The following AARS1 variants were observed in gnomAD, a reference collection of about 807,000 sequenced individuals.
The protein encoded by AARS1 is alanine--tRNA ligase, cytoplasmic.
In AARS1, 72 loss-of-function variants were observed where a neutral mutation model predicts 108.9. The ratio of observed to expected loss-of-function variants is 0.66; its 90% confidence interval spans 0.55 to 0.80. AARS1 has a LOEUF of 0.80. Among genes scored for constraint, AARS1 ranks in the 30% least tolerant of loss-of-function variants. The pLI is 0.00. For synonymous variants in AARS1, 489 were observed against 465.7 expected (o/e 1.05, Z -0.64); for missense variants, 1,193 against 1,233.2 (o/e 0.97, Z 0.49).
intron 1 of AARS1, among the ~76,000 whole-genome samples, chr16:70,287,781 G>T (rs558384874): frequency 1.3e-5 from 2 of 151,644 alleles, no homozygotes; most frequent in South Asian, 4.2e-4. Context: ...TCTTTTTTTT[G>T]AGACGGTGTT....
chr16:70,280,567 G>A (rs1192123903), intron 2 of AARS1, among the ~76,000 whole-genome samples: 1 of 152,128 alleles, frequency 6.6e-6, no homozygotes, highest in Non-Finnish European at 1.5e-5. Flanking sequence ...AAAAGAAAAT[G>A]TCAACTCATC....
At chr16:70,276,821 G>C (rs975902457) in intron 3 of AARS1, 145 bp downstream of exon 3, 10 of 1,160,258 alleles carry the variant, frequency 8.6e-6, no homozygotes, top group Non-Finnish European at 8.7e-6. Flanking sequence ...CTTCCAGGAA[G>C]TCTTAGAATT....
chr16:70,288,098 CTTTTT>C (rs34369477), intron 1 of AARS1, among the ~76,000 whole-genome samples: 68 of 83,912 alleles, frequency 8.1e-4, no homozygotes, highest in Non-Finnish European at 8.0e-4. Context: ...TCCCCTTCTT[CTTTTT>C]TTTTTTTTTT....
Position 70,277,041 on chromosome 16 carries a change from G to C in AARS1, c.258C>G (p.Asp86Glu). ...GATGATAGACATCCTTGCCCACATC[G>C]TCCAGGTCATTATGTTTGCCCCCAG... Reference protein sequence around the residue: ...IRAGGKHNDLDDVGKDVYHHT... With the variant: ...IRAGGKHNDLEDVGKDVYHHT... The change falls in exon 3 of 21, where the codon GAC becomes GAG. Residue 86 changes from aspartate to glutamate, a missense_variant. By Grantham distance (45) the Asp-to-Glu change is conservative. Coordinates refer to ENST00000261772, the MANE Select transcript of AARS1 (RefSeq NM_001605.3). 6.2e-7 allele frequency: 1 copy of C among 1,614,124 alleles called. No individual in the cohort carries two copies. Among genetic ancestry groups the C allele is most frequent in the Non-Finnish European group, 8.5e-7 (1 of 1,180,028 alleles).
Position 70,252,720 on chromosome 16 carries a change from C to T in AARS1, c.*1G>A, listed in dbSNP as rs577979624. On this transcript the variant is annotated 3_prime_UTR_variant, in exon 21 of 21. Coordinates refer to ENST00000261772, the MANE Select transcript of AARS1 (RefSeq NM_001605.3). ...CCAGTGGGAGCCTCCTCCTTCCCCA[C>T]TCAGTTCTTTACATCCCCGAGGCGC... 6 of 1,614,064 alleles carry T rather than the reference C, an allele frequency of 3.7e-6. No individual in the cohort carries two copies. The South Asian group carries it at 5.5e-5, about 15-fold the overall frequency.
chr16:70,286,411 C>T (rs1175373502), intron 1 of AARS1, among the ~76,000 whole-genome samples: 7 of 148,466 alleles, frequency 4.7e-5, no homozygotes, highest in Admixed American at 2.0e-4. Context: ...CTCTCTGTCA[C>T]CCAGGCTGGA....
intron 2 of AARS1, 110 bp from the exon 3 acceptor site, chr16:70,277,264 C>A (rs1464374343): frequency 8.6e-7 from 1 of 1,165,490 alleles, no homozygotes; most frequent in Non-Finnish European, 1.3e-6. Context: ...TCATGATTAA[C>A]ATGCCTGGAA....
chr16:70,268,504 G>T, intron 7 of AARS1, 125 bp from the exon 8 acceptor site: 1 of 736,812 alleles, frequency 1.4e-6, no homozygotes, highest in Non-Finnish European at 2.3e-6. Flanking sequence ...TGCTTCTTTC[G>T]CATTCCCCAA....
intron 9 of AARS1, among the ~76,000 whole-genome samples, chr16:70,266,301 A>T (rs948635318): frequency 1.3e-5 from 2 of 148,982 alleles, no homozygotes; most frequent in South Asian, 4.2e-4. Context: ...GCGACAGAGC[A>T]AGACTCTGTC....
chr16:70,253,048 G>T (rs1959881091), intron 20 of AARS1, 142 bp from the exon 21 acceptor site: 5 of 1,063,830 alleles, frequency 4.7e-6, no homozygotes, highest in Admixed American at 2.0e-5. Context: ...TTTACGGCTG[G>T]TACAGGGGGC....
chr16:70,263,676 C>G (rs1960198793), intron 11 of AARS1, among the ~76,000 whole-genome samples: 1 of 152,002 alleles, frequency 6.6e-6, no homozygotes, highest in Non-Finnish European at 1.5e-5. Flanking sequence ...ACTCTGTAGC[C>G]CAGGCTGGAG....
At chr16:70,278,049 G>A (rs1305988597) in intron 2 of AARS1, among the ~76,000 whole-genome samples, 1 of 151,688 alleles carries the variant, frequency 6.6e-6, no homozygotes, top group Non-Finnish European at 1.5e-5. Context: ...GACTGCGCCA[G>A]GTCTTACCAT....
chr16:70,253,199 G>T, intron 20 of AARS1, 69 bp downstream of exon 20: 3 of 1,314,738 alleles, frequency 2.3e-6, no homozygotes, highest in Middle Eastern at 1.8e-4. Flanking sequence ...AATGCAGGCT[G>T]TACACACACA....
Position 70,283,375 on chromosome 16 carries a change from G to A in AARS1, c.-21-591C>T, listed in dbSNP as rs183210327. On this transcript the variant is annotated intron_variant, in intron 1 of 20. Transcript: ENST00000261772. ...CCACACCACTGCACTCCAGCCTGGC[G>A]ACAGAGAGAGACTCCGTCTCAAAAA... Among the ~76,000 whole-genome samples, 498 of 150,288 alleles carry A rather than the reference G, an allele frequency of 3.3e-3. 2 individuals carry two copies. The highest frequency in any genetic ancestry group is 0.011 in the African/African-American group (443 of 40,840).
chr16:70,255,253 G>A (rs1246082032), intron 16 of AARS1, among the ~76,000 whole-genome samples: 2 of 136,324 alleles, frequency 1.5e-5, no homozygotes, highest in Non-Finnish European at 3.0e-5. Flanking sequence ...AAGCTGGAAC[G>A]CAGTGGTGCG....
rs1375611364 is a variant in AARS1 at position 70,269,693 on chromosome 16, C to T, written c.887G>A (p.Arg296Gln). The T allele has an allele frequency of 2.5e-6, 4 of 1,614,032 alleles. No homozygotes were observed. Among genetic ancestry groups the T allele is most frequent in the African/African-American group, 2.7e-5 (2 of 74,928 alleles). The change falls in exon 7 of 21, where the codon CGG becomes CAG. Residue 296 changes from arginine to glutamine, a missense_variant. Transcript: ENST00000261772. Reference protein sequence around the residue: ...EDADGIDMAYRVLADHARTIT... With the variant: ...EDADGIDMAYQVLADHARTIT... ...GGTCCGAGCGTGGTCAGCCAGCACC[C>T]GGTAGGCCATGTCAATCCCATCGGC...
At chr16:70,260,433 C>A (rs1960105054) in intron 13 of AARS1, among the ~76,000 whole-genome samples, 1 of 152,196 alleles carries the variant, frequency 6.6e-6, no homozygotes, top group Non-Finnish European at 1.5e-5. Context: ...AGCTCTGTCA[C>A]ATGCCAGAGC....
intron 1 of AARS1, among the ~76,000 whole-genome samples, chr16:70,287,107 C>T (rs1216713466): frequency 6.6e-6 from 1 of 151,172 alleles, no homozygotes; most frequent in South Asian, 2.1e-4. Context: ...AAAAATTAGC[C>T]GGGCGTGGTA....
intron 14 of AARS1, 30 bp downstream of exon 14, chr16:70,258,950 G>C (rs747114635): frequency 3.8e-6 from 6 of 1,596,208 alleles, no homozygotes; most frequent in African/African-American, 1.3e-5. Flanking sequence ...GGTGTGGGGA[G>C]GGGGGGCATT....
Sources: allele counts gnomAD v4.1 joint callset (sites outside exome capture counted in the v4.1 genomes callset), GRCh38; gene constraint gnomAD v4.1.1; transcripts MANE v1.5; gene names NCBI Gene and HGNC (gene_info 2026-07-23, HGNC 2026-07-21).